The following ASTN2 variants were observed in gnomAD, a reference collection of about 807,000 sequenced individuals.
ASTN2 encodes astrotactin-2.
Under a neutral mutation model 139.8 loss-of-function variants are expected in ASTN2, and 54 were observed. The ratio of observed to expected loss-of-function variants is 0.39; its 90% CI spans 0.31 to 0.48. The LOEUF (loss-of-function observed/expected upper bound fraction) is 0.48. Among genes scored for constraint, ASTN2 ranks in the 20% least tolerant of loss-of-function variants. ASTN2 has a pLI of 0.95. For missense variants in ASTN2, 1,565 were observed against 1,725.1 expected, an observed-to-expected ratio of 0.91 and a Z score of 1.64; for synonymous variants, 756 against 719.5, an observed-to-expected ratio of 1.05 and a Z score of -0.81.
At chr9:116,850,094 C>T (rs946158417) in intron 11 of ASTN2, among the ~76,000 whole-genome samples, 27 of 152,138 alleles carry the variant, frequency 1.8e-4, no homozygotes, top group Admixed American at 9.8e-4. Flanking sequence ...GTTCTGGGGA[C>T]GGACGTGGGT....
chr9:116,572,728 C>T (rs745659052), intron 19 of ASTN2, among the ~76,000 whole-genome samples: 2 of 152,182 alleles, frequency 1.3e-5, no homozygotes, highest in Admixed American at 6.6e-5. Flanking sequence ...AATGACTTCA[C>T]GCTTTCCCTT....
At chr9:116,530,459 A>C (rs960986746) in intron 19 of ASTN2, among the ~76,000 whole-genome samples, 5 of 151,900 alleles carry the variant, frequency 3.3e-5, no homozygotes, top group Non-Finnish European at 7.4e-5. Context: ...GTATGCTTGA[A>C]AATTGAAAAG....
intron 5 of ASTN2, among the ~76,000 whole-genome samples, chr9:117,090,512 T>C (rs1419612403): frequency 6.6e-6 from 1 of 152,222 alleles, no homozygotes; most frequent in African/African-American, 2.4e-5. Flanking sequence ...AAACTATATG[T>C]CAAATCTCTT....
chr9:116,426,233 T>C, intron 22 of ASTN2, 145 bp from the exon 23 acceptor site: 1 of 1,034,640 alleles, frequency 9.7e-7, no homozygotes, highest in Non-Finnish European at 1.4e-6. Context: ...CTTCAAACAC[T>C]GATTCAAAAA....
chr9:116,791,688 T>C (rs1251015509), intron 13 of ASTN2, among the ~76,000 whole-genome samples: 2 of 152,224 alleles, frequency 1.3e-5, no homozygotes, highest in Non-Finnish European at 2.9e-5. Flanking sequence ...ATAGGTTCCC[T>C]AAGGACTTTT....
At chr9:116,787,309 C>G (rs967998891) in intron 13 of ASTN2, among the ~76,000 whole-genome samples, 21 of 152,206 alleles carry the variant, frequency 1.4e-4, no homozygotes, top group Non-Finnish European at 2.5e-4. Context: ...ACTTTAGAAA[C>G]TTGCAATTGT....
intron 19 of ASTN2, among the ~76,000 whole-genome samples, chr9:116,578,455 A>G (rs2131705575): frequency 6.6e-6 from 1 of 152,256 alleles, no homozygotes; most frequent in South Asian, 2.1e-4. Context: ...TGTTCTAAGA[A>G]CATTTTTAAT....
intron 4 of ASTN2, among the ~76,000 whole-genome samples, chr9:117,140,424 A>G (rs1466807587): frequency 6.6e-6 from 1 of 152,086 alleles, no homozygotes; most frequent in Non-Finnish European, 1.5e-5. Context: ...TAGTTTTTCT[A>G]TCTACTCAGC....
In ASTN2 at chr9:116,742,349, AAGGAAAT is replaced by A. The variant is rs1490868681; in HGVS notation, c.2397-8833_2397-8827del. On this transcript the variant is annotated intron_variant, in intron 13 of 22. Transcript: ENST00000313400. Reference sequence around the variant, plus strand: ...CACAGTTGTACCCACCAGATAAGAAAAGGAAATAGTACACTCTTCTTTCTGCCACTGA... The same window carrying A: ...CACAGTTGTACCCACCAGATAAGAAAAGTACACTCTTCTTTCTGCCACTGA... 9.8e-5 allele frequency among the ~76,000 whole-genome samples: 15 copies of A among 152,310 alleles called. 1 individual carries two copies. Among genetic ancestry groups the A allele is most frequent in the Admixed American group, 7.8e-4 (12 of 15,308 alleles).
chr9:116,776,195 T>C (rs918170791), intron 13 of ASTN2, among the ~76,000 whole-genome samples: 34 of 152,190 alleles, frequency 2.2e-4, no homozygotes, highest in African/African-American at 8.0e-4. Flanking sequence ...GGGTTTGTAT[T>C]CTATGTGATC....
chr9:116,935,682 C>G (rs182147845), intron 10 of ASTN2, among the ~76,000 whole-genome samples: 1 of 152,302 alleles, frequency 6.6e-6, no homozygotes, highest in East Asian at 1.9e-4. Context: ...GTAATAGAGG[C>G]AACTTACGTC....
chr9:117,027,169 T>C (rs553939894), intron 6 of ASTN2, among the ~76,000 whole-genome samples: 3 of 152,300 alleles, frequency 2.0e-5, no homozygotes, highest in African/African-American at 7.2e-5. Flanking sequence ...ATAATCTCAT[T>C]TGATTCTCCC....
chr9:116,517,743 A>G (rs570882957), intron 19 of ASTN2, among the ~76,000 whole-genome samples: 1 of 152,308 alleles, frequency 6.6e-6, no homozygotes, highest in East Asian at 1.9e-4. Flanking sequence ...TCCAACTTGA[A>G]GAAATAAAAA....
At chr9:116,935,362 C>T (rs1835038001) in intron 10 of ASTN2, among the ~76,000 whole-genome samples, 1 of 152,164 alleles carries the variant, frequency 6.6e-6, no homozygotes. Flanking sequence ...CTCTCTGAAC[C>T]TTATGGTCTT....
intron 19 of ASTN2, among the ~76,000 whole-genome samples, chr9:116,523,071 A>C (rs2119246515): frequency 6.6e-6 from 1 of 152,336 alleles, no homozygotes; most frequent in Middle Eastern, 3.4e-3. Flanking sequence ...AAAATCTAGA[A>C]GTCAAAACAA....
chr9:117,134,291 TATATACACAC>T (rs1157944564), intron 4 of ASTN2, among the ~76,000 whole-genome samples: 203 of 53,618 alleles, frequency 3.8e-3, no homozygotes, highest in African/African-American at 0.01. Flanking sequence ...TATATATATA[TATATACACAC>T]ACACACACAC....
At chr9:117,391,719 C>A (rs551648188) in intron 1 of ASTN2, among the ~76,000 whole-genome samples, 38 of 152,286 alleles carry the variant, frequency 2.5e-4, no homozygotes, top group African/African-American at 8.9e-4. Flanking sequence ...AGTCTCAACT[C>A]ATTTCAGCAT....
chr9:116,483,176 C>G (rs1849228114), intron 20 of ASTN2, among the ~76,000 whole-genome samples: 1 of 152,256 alleles, frequency 6.6e-6, no homozygotes, highest in African/African-American at 2.4e-5. Context: ...GCAGCAGGAG[C>G]TGGCCCTGCT....
chr9:117,286,028 T>A (rs1834441337), intron 2 of ASTN2, among the ~76,000 whole-genome samples: 1 of 152,176 alleles, frequency 6.6e-6, no homozygotes, highest in Non-Finnish European at 1.5e-5. Context: ...ATCTAGTAAC[T>A]CTTGTGGAAA....
Sources: allele counts gnomAD v4.1 joint callset (sites outside exome capture counted in the v4.1 genomes callset), GRCh38; gene constraint gnomAD v4.1.1; transcripts MANE v1.5; gene names NCBI Gene and HGNC (gene_info 2026-07-23, HGNC 2026-07-21).